DENND5A: variants seen among roughly 807,000 people sequenced by gnomAD.
DENND5A encodes the protein DENN domain containing 5A.
Under a neutral mutation model 140.3 loss-of-function variants are expected in DENND5A, and 64 were observed. The ratio of observed to expected loss-of-function variants is 0.46; its 90% CI spans 0.37 to 0.56. The LOEUF (loss-of-function observed/expected upper bound fraction) is 0.56. DENND5A is among the 20% of genes least tolerant of loss of function. The pLI is 0.00. For synonymous variants in DENND5A, 605 were observed against 607.7 expected, an observed-to-expected ratio of 1.00 and a Z score of 0.07; for missense variants, 1,292 against 1,593.8, an observed-to-expected ratio of 0.81 and a Z score of 3.22.
intron 1 of DENND5A, among the ~76,000 whole-genome samples, chr11:9,249,490 G>A (rs1274599820): frequency 6.6e-6 from 1 of 151,964 alleles, no homozygotes; most frequent in Non-Finnish European, 1.5e-5. Context: ...CTCGTCCTCT[G>A]GAGCTGAGGC....
At chr11:9,198,471 C>T (rs746070336) in intron 4 of DENND5A, among the ~76,000 whole-genome samples, 7 of 151,740 alleles carry the variant, frequency 4.6e-5, no homozygotes, top group African/African-American at 7.3e-5. Flanking sequence ...ATTAGGTGGG[C>T]GTGGTGGTGC....
In DENND5A at chr11:9,178,312, G is replaced by T; in HGVS notation, c.1726C>A (p.Leu576Met). 1 of 1,614,036 alleles carries T rather than the reference G, an allele frequency of 6.2e-7. No homozygotes were observed. ...AAAGATGCAAACATCTGGGTCTCCA[G>T]GAATCTTGAGAGGAAGGGCAGGTAG... The part of the protein sequence containing the change: ...EPYLPFLSRF[L>M]ETQMFASFID... Residue 576 changes from leucine (L) to methionine (M), a missense_variant, in exon 8 of 23, where the codon CTG becomes ATG. Leu to Met is a conservative substitution (Grantham distance 15). Around this residue, in one of 4 missense-constraint regions of DENND5A, gnomAD observed 29 missense variants for 64.7 expected, o/e 0.45. Transcript: ENST00000328194.
At chr11:9,190,650 T>C (rs374937437) in intron 5 of DENND5A, among the ~76,000 whole-genome samples, 2 of 152,196 alleles carry the variant, frequency 1.3e-5, no homozygotes, top group Non-Finnish European at 2.9e-5. Flanking sequence ...TTCTCAGCAG[T>C]GTAAAAATGG....
chr11:9,235,225 C>T (rs1445597328), intron 1 of DENND5A, among the ~76,000 whole-genome samples: 1 of 152,088 alleles, frequency 6.6e-6, no homozygotes, highest in East Asian at 1.9e-4. Flanking sequence ...TGGAAACAAC[C>T]CCAGTGTCCA....
At chr11:9,240,814 G>A (rs568348704) in intron 1 of DENND5A, among the ~76,000 whole-genome samples, 1 of 152,272 alleles carries the variant, frequency 6.6e-6, no homozygotes, top group South Asian at 2.1e-4. Flanking sequence ...AGGGGTTATA[G>A]GTGTTGATTT....
At chr11:9,142,615 C>A in intron 21 of DENND5A, 107 bp downstream of exon 21, 1 of 1,384,946 alleles carries the variant, frequency 7.2e-7, no homozygotes, top group Non-Finnish European at 9.9e-7. Context: ...CTGAGAGTCA[C>A]CTAATTTGGG....
At chr11:9,221,915 G>A (rs569347411) in intron 1 of DENND5A, among the ~76,000 whole-genome samples, 10 of 151,984 alleles carry the variant, frequency 6.6e-5, no homozygotes, top group African/African-American at 1.9e-4. Context: ...ATGCCACCAC[G>A]CCCGGCTAAT....
At chr11:9,226,022 A>T (rs1313800035) in intron 1 of DENND5A, among the ~76,000 whole-genome samples, 1 of 150,158 alleles carries the variant, frequency 6.7e-6, no homozygotes, top group Non-Finnish European at 1.5e-5. Context: ...CAAGGCTGCA[A>T]TGAGCTGTGC....
intron 8 of DENND5A, chr11:9,177,017 T>G (rs973467232): frequency 4.6e-6 from 2 of 431,266 alleles, no homozygotes; most frequent in South Asian, 3.3e-5. Context: ...CACTTTGGAA[T>G]GCAGAGGTGG....
intron 12 of DENND5A, 107 bp from the exon 13 acceptor site, chr11:9,152,549 T>C (rs1423474716): frequency 3.8e-6 from 3 of 782,624 alleles, no homozygotes; most frequent in Non-Finnish European, 4.6e-6. Context: ...TACTGTTTCT[T>C]GTTTCAATGT....
intron 1 of DENND5A, among the ~76,000 whole-genome samples, chr11:9,263,346 G>C (rs923585110): frequency 1.3e-5 from 2 of 150,934 alleles, no homozygotes; most frequent in East Asian, 4.0e-4. Flanking sequence ...TCAGCCTCCT[G>C]AGTAGCTGGG....
chr11:9,242,665 A>G (rs1851284062), intron 1 of DENND5A: 1 of 152,168 alleles, frequency 6.6e-6, no homozygotes, highest in Non-Finnish European at 1.5e-5. Flanking sequence ...AAATGTATTC[A>G]ATAAAAAAAC....
chr11:9,259,394 TAA>T (rs1319826364), intron 1 of DENND5A, among the ~76,000 whole-genome samples: 1 of 137,390 alleles, frequency 7.3e-6, no homozygotes, highest in Non-Finnish European at 1.6e-5. Flanking sequence ...CCATCTCTAC[TAA>T]AAAAAAAAAG....
At chr11:9,164,016 T>TA (rs1248824271) in intron 11 of DENND5A, among the ~76,000 whole-genome samples, 4 of 147,110 alleles carry the variant, frequency 2.7e-5, no homozygotes, top group Non-Finnish European at 6.0e-5. Context: ...GAGTTTTTTT[T>TA]AACCTAAATT....
chr11:9,210,501 T>A (rs1849840512), intron 1 of DENND5A, among the ~76,000 whole-genome samples: 1 of 152,214 alleles, frequency 6.6e-6, no homozygotes, highest in African/African-American at 2.4e-5. Flanking sequence ...TAATAGGTTT[T>A]TTATCTGTTC....
At chr11:9,245,948 T>G (rs1406926846) in intron 1 of DENND5A, among the ~76,000 whole-genome samples, 1 of 152,106 alleles carries the variant, frequency 6.6e-6, no homozygotes, top group Non-Finnish European at 1.5e-5. Flanking sequence ...TCTTCATAAT[T>G]AATACAACAA....
intron 1 of DENND5A, among the ~76,000 whole-genome samples, chr11:9,220,165 G>A (rs1850251420): frequency 1.3e-5 from 2 of 151,914 alleles, no homozygotes; most frequent in Non-Finnish European, 2.9e-5. Flanking sequence ...AACACTAAAA[G>A]CAAAAAAAAT....
chr11:9,145,091 G>A lies in DENND5A; in HGVS notation c.3026C>T (p.Thr1009Ile). 1 of 1,613,874 alleles carries A rather than the reference G, an allele frequency of 6.2e-7. No individual in the cohort carries two copies. The highest frequency in any genetic ancestry group is 8.5e-7 in the Non-Finnish European group (1 of 1,179,746). ...GTTATCATGGCCAATCTGGACAGTAGTAAGCTTCCCCAAGTTCTGGCACTA... is the reference window on the plus strand; with the variant it reads ...GTTATCATGGCCAATCTGGACAGTAATAAGCTTCCCCAAGTTCTGGCACTA... ...TFECQNLGKL[T>I]TVQIGHDNSG... The change falls in exon 18 of 23, where the codon ACT becomes ATT. Residue 1009 changes from threonine to isoleucine, a missense_variant. Coordinates refer to ENST00000328194, the MANE Select transcript of DENND5A (RefSeq NM_015213.4).
intron 1 of DENND5A, among the ~76,000 whole-genome samples, chr11:9,264,525 C>A (rs762624172): frequency 2.0e-5 from 3 of 152,144 alleles, no homozygotes; most frequent in Non-Finnish European, 2.9e-5. Flanking sequence ...GAACTAGTAT[C>A]ACAAGCTTCT....
Sources: allele counts gnomAD v4.1 joint callset (sites outside exome capture counted in the v4.1 genomes callset), GRCh38; gene constraint gnomAD v4.1.1; regional missense constraint gnomAD v4.1.1; transcripts MANE v1.5; gene names NCBI Gene and HGNC (gene_info 2026-07-23, HGNC 2026-07-21).